The following PUDP variants were observed in gnomAD, a reference collection of about 807,000 sequenced individuals.
PUDP encodes the protein pseudouridine 5'-phosphatase, also known as pseudouridine-5'-phosphatase.
A neutral mutation model predicts 9.4 loss-of-function variants in PUDP; 8 were observed. That is an observed-to-expected ratio of 0.85 (90% CI 0.50 to 1.53). The LOEUF (loss-of-function observed/expected upper bound fraction) is 1.53. Among genes scored for constraint, PUDP ranks in the 40% most tolerant of loss-of-function variants. The pLI is 0.00. For synonymous variants in PUDP, 99 were observed against 80.7 expected (o/e 1.23, Z -1.22); for missense variants, 188 against 189.7 (o/e 0.99, Z 0.05).
At chrX:6,932,961 GC>G (rs1347413032) in intron 3 of PUDP, among the ~76,000 whole-genome samples, 3 of 110,236 alleles carry the variant, frequency 2.7e-5, no homozygotes, top group Non-Finnish European at 3.8e-5. Flanking sequence ...AAACAAAGCA[GC>G]CGGGAAGCTC....
At chrX:6,842,076 G>A (rs1001723880) in intron 3 of PUDP, among the ~76,000 whole-genome samples, 9 of 111,695 alleles carry the variant, frequency 8.1e-5, no homozygotes, top group African/African-American at 2.3e-4. Context: ...GAAGAGACAC[G>A]ATAGGACATT....
intron 2 of PUDP, among the ~76,000 whole-genome samples, chrX:7,102,659 C>T (rs968347806): frequency 9.1e-6 from 1 of 109,618 alleles, no homozygotes; most frequent in African/African-American, 3.3e-5. Flanking sequence ...TCACAGATTA[C>T]ATGATCATAT....
rs7890234 is a variant in PUDP at position 7,043,329 on chromosome X, A to C, written c.204+33891T>G. Among the ~76,000 whole-genome samples, 9 of 108,665 alleles carry C rather than the reference A, an allele frequency of 8.3e-5. No individual in the cohort carries two copies. In the South Asian group the frequency reaches 2.5e-3, roughly 30 times the overall value. 94.4% of individuals were successfully genotyped at this position (108,665 alleles called of 115,157 possible). A position where few individuals can be genotyped will look rare whatever the true frequency, so the allele number is the denominator to read the frequency against. ...GAGTGGGTTCTCTATTCAATCCTAC[A>C]AGAGCTGATTGTTAGAAAGAGCCTG... On this transcript the variant is annotated intron_variant and NMD_transcript_variant, in intron 1 of 3. Transcript: ENST00000655425.
chrX:6,885,039 GAGA>G (rs1242836058), intron 3 of PUDP, among the ~76,000 whole-genome samples: 2 of 111,994 alleles, frequency 1.8e-5, no homozygotes, highest in Non-Finnish European at 1.9e-5. Context: ...TAGCAATATG[GAGA>G]AGAAGCTGAC....
At chrX:6,731,549 C>T (rs1924807800) in intron 3 of PUDP, among the ~76,000 whole-genome samples, 1 of 111,918 alleles carries the variant, frequency 8.9e-6, no homozygotes, top group African/African-American at 3.3e-5. Flanking sequence ...TCCTGTTCAA[C>T]ATTCAAAATG....
At chrX:6,752,676 G>T (rs1327082574) in intron 3 of PUDP, among the ~76,000 whole-genome samples, 1 of 111,433 alleles carries the variant, frequency 9.0e-6, no homozygotes, top group African/African-American at 3.3e-5. Flanking sequence ...TTGGATATAA[G>T]AAATAAGAAG....
downstream of PUDP, among the ~76,000 whole-genome samples, chrX:7,047,117 G>GA (rs1002927345): frequency 1.8e-5 from 2 of 111,951 alleles, no homozygotes; most frequent in Non-Finnish European, 3.8e-5. Flanking sequence ...AAGATGTACA[G>GA]AAAAAAATGT....
At chrX:6,720,258 G>GTGTGTGTA (rs1555907522) in intron 1 of PUDP, among the ~76,000 whole-genome samples, 1 of 48,805 alleles carries the variant, frequency 2.0e-5, no homozygotes, top group African/African-American at 1.0e-4. Flanking sequence ...GTGTGTGTGT[G>GTGTGTGTA]TATATATATA....
rs144314881 is a variant in PUDP at position 7,052,001 on chromosome X, C to T, written c.511-1529G>A. On this transcript the variant is annotated intron_variant, in intron 3 of 3. Coordinates refer to ENST00000381077, the MANE Select transcript of PUDP (RefSeq NM_012080.5). The stretch of plus-strand genomic sequence containing the variant: ...TGGGGCCTTTCAGCTCTCCACTCAT[C>T]TCTTCTTTGTCTCCTTTGTCCCTCT... Among the ~76,000 whole-genome samples the T allele has an allele frequency of 4.8e-3, 534 of 110,590 alleles. 5 individuals are homozygous for T. Among genetic ancestry groups the T allele is most frequent in the Middle Eastern group, 0.019 (4 of 210 alleles).
intron 1 of PUDP, among the ~76,000 whole-genome samples, chrX:7,122,642 A>G (rs112228844): frequency 8.9e-6 from 1 of 111,742 alleles, no homozygotes; most frequent in African/African-American, 3.3e-5. Flanking sequence ...GCTTTTTTCC[A>G]GGGCAAACAG....
chrX:6,964,003 G>A (rs1051816898), intron 3 of PUDP, among the ~76,000 whole-genome samples: 1 of 112,116 alleles, frequency 8.9e-6, no homozygotes, highest in Non-Finnish European at 1.9e-5. Flanking sequence ...AAATCACTCA[G>A]GGATAAGTGG....
At chrX:7,030,459 T>C (rs955890825) in intron 1 of PUDP, among the ~76,000 whole-genome samples, 3 of 112,125 alleles carry the variant, frequency 2.7e-5, no homozygotes, top group East Asian at 2.8e-4. Context: ...TCCTTAACCA[T>C]GCTGAAAAGC....
At chrX:6,754,141 T>C (rs1378436769) in intron 3 of PUDP, among the ~76,000 whole-genome samples, 3 of 112,103 alleles carry the variant, frequency 2.7e-5, no homozygotes, top group Non-Finnish European at 5.6e-5. Flanking sequence ...GTAGTTCCCA[T>C]AATCCCCACA....
intron 3 of PUDP, among the ~76,000 whole-genome samples, chrX:6,870,422 A>G (rs779260936): frequency 1.8e-5 from 2 of 111,770 alleles, no homozygotes; most frequent in Non-Finnish European, 3.8e-5. Flanking sequence ...CTCATGAGAT[A>G]TGATGATTTT....
intron 3 of PUDP, among the ~76,000 whole-genome samples, chrX:6,743,393 CT>C (rs1286360486): frequency 1.8e-5 from 2 of 111,838 alleles, no homozygotes; most frequent in African/African-American, 6.5e-5. Flanking sequence ...ATTGTACCAG[CT>C]AATGTAAAGG....
chrX:6,805,490 A>C (rs1926034508), intron 3 of PUDP, among the ~76,000 whole-genome samples: 1 of 110,074 alleles, frequency 9.1e-6, no homozygotes, highest in Admixed American at 9.8e-5. Flanking sequence ...AGGGCATAAG[A>C]TGAAGCTGGA....
chrX:6,781,049 C>A (rs1382651066), intron 3 of PUDP, among the ~76,000 whole-genome samples: 1 of 110,245 alleles, frequency 9.1e-6, no homozygotes, highest in East Asian at 2.8e-4. Flanking sequence ...GAAAGAAAAA[C>A]AAAAACAACA....
intron 3 of PUDP, among the ~76,000 whole-genome samples, chrX:6,839,627 T>C (rs957427542): frequency 8.1e-5 from 9 of 111,567 alleles, no homozygotes; most frequent in Non-Finnish European, 1.7e-4. Context: ...ATGCTTCACA[T>C]AATATGTCAT....
At chrX:6,790,317 A>T (rs1925724918) in intron 3 of PUDP, among the ~76,000 whole-genome samples, 1 of 112,531 alleles carries the variant, frequency 8.9e-6, no homozygotes, top group Non-Finnish European at 1.9e-5. Flanking sequence ...CACTGACTTT[A>T]TAAGTATAAT....
Sources: gnomAD v4.1 joint callset for allele counts (sites outside exome capture counted in the v4.1 genomes callset) on GRCh38, gnomAD v4.1.1 for gene constraint, MANE v1.5 for transcripts, NCBI Gene and HGNC (gene_info 2026-07-23, HGNC 2026-07-21) for gene names.